The following NCOR2 variants were observed in gnomAD, a reference collection of about 807,000 sequenced individuals.
The protein encoded by NCOR2 is CTG repeat protein 26.
A neutral mutation model predicts 262.9 loss-of-function variants in NCOR2; 81 were observed. The observed-to-expected ratio is 0.31, with a 90% CI of 0.26 to 0.37. The LOEUF (loss-of-function observed/expected upper bound fraction) is 0.37. Ranked by LOEUF, NCOR2 falls within the 10% of genes least tolerant of loss-of-function variation. The pLI is 1.00. For missense variants in NCOR2, 3,385 were observed against 3,621.4 expected (o/e 0.93, Z 1.68); for synonymous variants, 1,659 against 1,559.3 (o/e 1.06, Z -1.51).
intron 1 of NCOR2, among the ~76,000 whole-genome samples, chr12:124,519,131 C>CACACACACAG (rs1566020188): frequency 1.1e-4 from 16 of 147,704 alleles, no homozygotes; most frequent in African/African-American, 3.4e-4. Context: ...CACACACACA[C>CACACACACAG]AGGCCAACAA....
At chr12:124,390,916 C>T (rs768362909) in intron 16 of NCOR2, among the ~76,000 whole-genome samples, 32 of 152,384 alleles carry the variant, frequency 2.1e-4, no homozygotes, top group South Asian at 8.3e-4. Flanking sequence ...GAGTCACAGA[C>T]GCCGAGTGGA....
At position 124,378,692 on chromosome 12, in the gene NCOR2, C is replaced by T. The variant is rs576710532; in HGVS notation, c.2020-308G>A. ...TTGCCCAGGAGTCTCCTAGTCAGAG[C>T]GAGTGACCACGCCTCCTGGGGACAC... On this transcript the variant is annotated intron_variant, in intron 17 of 46. Coordinates refer to ENST00000405201, the Ensembl canonical transcript of NCOR2. The surrounding 1 kb of genome is among the most constrained non-coding windows in gnomAD (Gnocchi z 4.2). Among the ~76,000 whole-genome samples the T allele has an allele frequency of 6.6e-6, 1 of 152,198 alleles. No individual in the cohort carries two copies. The highest frequency in any genetic ancestry group is 1.5e-5 in the Non-Finnish European group (1 of 68,036).
chr12:124,374,384 C>T (rs770717787), intron 19 of NCOR2, 29 bp downstream of exon 21: 44 of 1,607,234 alleles, frequency 2.7e-5, no homozygotes, highest in East Asian at 4.5e-5. Flanking sequence ...CCCGGCCCTA[C>T]CCCCCAGGCC....
intron 5 of NCOR2, among the ~76,000 whole-genome samples, chr12:124,459,376 C>G (rs916151881): frequency 6.6e-6 from 1 of 152,152 alleles, no homozygotes; most frequent in African/African-American, 2.4e-5. Context: ...CTCCTGCCCC[C>G]ACATCCCCTG....
chr12:124,369,213 G>A (rs928001818), intron 20 of NCOR2, among the ~76,000 whole-genome samples: 4 of 152,246 alleles, frequency 2.6e-5, no homozygotes, highest in African/African-American at 9.6e-5. Context: ...GAGAGGGGAA[G>A]GCAGGCAGGC....
chr12:124,327,071 C>A (rs1462135228), intron 45 of NCOR2, among the ~76,000 whole-genome samples: 1 of 152,184 alleles, frequency 6.6e-6, no homozygotes, highest in Non-Finnish European at 1.5e-5. Context: ...AGCCTGCTCT[C>A]CCCCAAGGAG....
At chr12:124,444,717 T>C (rs1033147061) in intron 7 of NCOR2, among the ~76,000 whole-genome samples, 3 of 152,174 alleles carry the variant, frequency 2.0e-5, no homozygotes, top group Non-Finnish European at 2.9e-5. Flanking sequence ...AGGGCCCGGA[T>C]ACCTTGGGAA....
chr12:124,403,567 A>G (rs1236365765), intron 13 of NCOR2, among the ~76,000 whole-genome samples: 2 of 152,222 alleles, frequency 1.3e-5, no homozygotes, highest in Non-Finnish European at 2.9e-5. Context: ...AAACCAGACC[A>G]TCTTTCCATC....
chr12:124,406,548 A>G (rs1279713642), intron 13 of NCOR2, among the ~76,000 whole-genome samples: 1 of 152,160 alleles, frequency 6.6e-6, no homozygotes, highest in Non-Finnish European at 1.5e-5. Flanking sequence ...CTGAAAGGAG[A>G]ATCAGAAAGA....
intron 1 of NCOR2, among the ~76,000 whole-genome samples, chr12:124,524,967 C>CA (rs1454972584): frequency 3.3e-5 from 5 of 152,180 alleles, no homozygotes; most frequent in African/African-American, 2.4e-5. Flanking sequence ...GCCACGTGCC[C>CA]AATACATGTA....
rs953818612 is a variant in NCOR2, at chr12:124,566,488, G to A, written c.-165+820C>T. ...GCTCCTCCTGCAAGTGTCTGGGGCGGGGAGGGCGTACCCCACGGGTGCCCT... is the reference window on the plus strand; with the variant it reads ...GCTCCTCCTGCAAGTGTCTGGGGCGAGGAGGGCGTACCCCACGGGTGCCCT... On this transcript the variant is annotated intron_variant, in intron 1 of 32. Coordinates refer to the NCOR2 transcript ENST00000458234. The surrounding 1 kb of genome is among the most constrained non-coding windows in gnomAD (Gnocchi z 4.3). Among the ~76,000 whole-genome samples the A allele has an allele frequency of 2.0e-5, 3 of 152,320 alleles. No individual in the cohort carries two copies. Among genetic ancestry groups the A allele is most frequent in the Admixed American group, 6.5e-5 (1 of 15,310 alleles).
intron 1 of NCOR2, among the ~76,000 whole-genome samples, chr12:124,494,423 C>T (rs1004855954): frequency 2.0e-5 from 3 of 152,220 alleles, no homozygotes; most frequent in African/African-American, 7.2e-5. Context: ...GGAGCGAAAC[C>T]AAGGCCCGTT....
chr12:124,487,902 C>G (rs966305022), intron 1 of NCOR2, among the ~76,000 whole-genome samples: 4 of 140,608 alleles, frequency 2.8e-5, no homozygotes, highest in Admixed American at 1.4e-4. Context: ...AAGACAGTAA[C>G]AAGCCTCTCA....
Position 124,555,684 on chromosome 12 carries a change from G to A in NCOR2, c.-165+11624C>T, listed in dbSNP as rs547220529. On this transcript the variant is annotated intron_variant, in intron 1 of 32. Coordinates refer to the NCOR2 transcript ENST00000458234. The stretch of plus-strand genomic sequence containing the variant: ...ACAGCAGACAAGTCTTGCTGGCCCC[G>A]GGAATCCGCCCAGAAAGCTGCAGTG... 1.5e-4 allele frequency among the ~76,000 whole-genome samples: 23 copies of A among 152,250 alleles called. No individual in the cohort carries two copies. The East Asian group carries it at 2.7e-3, about 18-fold the overall frequency.
chr12:124,466,707 C>T (rs1046216050), intron 4 of NCOR2, among the ~76,000 whole-genome samples: 1 of 152,052 alleles, frequency 6.6e-6, no homozygotes, highest in African/African-American at 2.4e-5. Flanking sequence ...TTCCTACAGG[C>T]AGCATCAGTG....
chr12:124,409,907 G>A (rs2042472818), intron 13 of NCOR2, among the ~76,000 whole-genome samples: 1 of 151,894 alleles, frequency 6.6e-6, no homozygotes, highest in Non-Finnish European at 1.5e-5. Context: ...TTGAACTCCT[G>A]GGCTCAAGCG....
chr12:124,540,028 G>A (rs1357375187), upstream of NCOR2, among the ~76,000 whole-genome samples: 1 of 152,064 alleles, frequency 6.6e-6, no homozygotes, highest in East Asian at 1.9e-4. Context: ...AACAAACAGA[G>A]GGGACAGACC....
At position 124,332,445 on chromosome 12, in the gene NCOR2, C is replaced by T. The variant is rs374131072; in HGVS notation, c.6778G>A (p.Gly2260Ser). The change falls in exon 43 of 47, where the codon GGC becomes AGC. Residue 2260 changes from glycine to serine, a missense_variant. This residue lies in a region of NCOR2 where 1,017 missense variants were observed against 967.2 expected (regional missense o/e 1.05). Transcript: ENST00000405201. ...AAGGCTGGCGGCTGGCTGGTGTTGC[C>T]TGGAGACTTGGAGCCCATCCTGCTG... The T allele has an allele frequency of 2.5e-6, 4 of 1,614,064 alleles. No individual in the cohort carries two copies. The African/African-American group carries it at 5.3e-5, about 22-fold the overall frequency.
intron 20 of NCOR2, among the ~76,000 whole-genome samples, chr12:124,368,150 C>T (rs995269599): frequency 2.6e-5 from 4 of 152,208 alleles, no homozygotes; most frequent in African/African-American, 4.8e-5. Flanking sequence ...AGAGTGGAGA[C>T]GAAAGCTTCA....
Sources: gnomAD v4.1 joint callset for allele counts (sites outside exome capture counted in the v4.1 genomes callset) on GRCh38, gnomAD v4.1.1 for gene constraint, gnomAD v4.1.1 regional missense constraint, Gnocchi (gnomAD v3.1) non-coding constraint, MANE v1.5 for transcripts, NCBI Gene and HGNC (gene_info 2026-07-23, HGNC 2026-07-21) for gene names.